DOCK11: variants seen among roughly 807,000 people sequenced by gnomAD.
DOCK11 encodes the protein dedicator of cytokinesis 11, also known as dedicator of cytokinesis protein 11.
DOCK11 carries 70 observed loss-of-function variants against 169.1 expected under a neutral mutation model. That is an observed-to-expected ratio of 0.41 (90% CI 0.34 to 0.51). The LOEUF (loss-of-function observed/expected upper bound fraction) is 0.51. Ranked by LOEUF, DOCK11 falls within the 20% of genes least tolerant of loss-of-function variation. The pLI is 0.10. For synonymous variants in DOCK11, 529 were observed against 541.3 expected (o/e 0.98, Z 0.32); for missense variants, 1,166 against 1,538.8 (o/e 0.76, Z 4.05).
intron 13 of DOCK11, among the ~76,000 whole-genome samples, 161 bp downstream of exon 13, chrX:118,578,808 A>G (rs1026304704): frequency 1.4e-4 from 16 of 112,420 alleles, no homozygotes; most frequent in African/African-American, 5.2e-4. Context: ...TCCTATTGTC[A>G]TTGATGTTCT....
chrX:118,616,283 G>A (rs779343414), intron 30 of DOCK11: 411 of 862,854 alleles, frequency 4.8e-4, no homozygotes, highest in Non-Finnish European at 5.5e-4. Flanking sequence ...TGCTGTTTTA[G>A]AAAACAATTG....
At chrX:118,681,283 T>C in intron 50 of DOCK11, 35 bp downstream of exon 50, 2 of 1,100,312 alleles carry the variant, frequency 1.8e-6, no homozygotes, top group Non-Finnish European at 2.4e-6. Context: ...TGAATGTTTC[T>C]TGATGTTTCT....
At position 118,495,920 on chromosome X, in the gene DOCK11, ACCCGCCCGCCGAGGTCCG is replaced by A. The variant is rs1329274889; in HGVS notation, c.-38_-21del. 208 of 882,772 alleles carry A rather than the reference ACCCGCCCGCCGAGGTCCG, an allele frequency of 2.4e-4. 1 individual carries two copies. In the South Asian group the frequency reaches 3.8e-3, roughly 16 times the overall value. 72.8% of individuals were successfully genotyped at this position (882,772 alleles called of 1,213,427 possible). ...CGCCGCGGGCCGGGGCAGTGAGTCCACCCGCCCGCCGAGGTCCGCCCGCCCGCCGAGACCCGCCCGCCG... is the reference window on the plus strand; with the variant it reads ...CGCCGCGGGCCGGGGCAGTGAGTCCACCCGCCCGCCGAGACCCGCCCGCCG... On this transcript the variant is annotated 5_prime_UTR_variant, in exon 1 of 53. Coordinates refer to ENST00000276202, the MANE Select transcript of DOCK11 (RefSeq NM_144658.4).
chrX:118,505,443 G>A (rs2057605026), intron 1 of DOCK11, among the ~76,000 whole-genome samples: 1 of 112,207 alleles, frequency 8.9e-6, no homozygotes, highest in Non-Finnish European at 1.9e-5. Flanking sequence ...CTTTATGGTG[G>A]GCAAGAGACG....
At chrX:118,552,123 C>T (rs956627330) in intron 6 of DOCK11, among the ~76,000 whole-genome samples, 1 of 108,949 alleles carries the variant, frequency 9.2e-6, no homozygotes, top group African/African-American at 3.4e-5. Flanking sequence ...AAAAATAAAA[C>T]GAAGGAAAGA....
chrX:118,629,014 G>A (rs947472610), intron 34 of DOCK11, among the ~76,000 whole-genome samples: 1 of 111,421 alleles, frequency 9.0e-6, no homozygotes, highest in South Asian at 3.7e-4. Context: ...GGTGCTCTTA[G>A]TGTACATCAG....
At chrX:118,612,183 A>G (rs1251483965) in intron 28 of DOCK11, among the ~76,000 whole-genome samples, 2 of 112,089 alleles carry the variant, frequency 1.8e-5, no homozygotes, top group African/African-American at 6.5e-5. Context: ...AATTCATCCA[A>G]GGAGTTTTAG....
At chrX:118,671,845 A>G (rs1197768702) in intron 46 of DOCK11, among the ~76,000 whole-genome samples, 3 of 111,803 alleles carry the variant, frequency 2.7e-5, no homozygotes, top group Non-Finnish European at 5.6e-5. Flanking sequence ...ACGCCCCGCT[A>G]TCTTTGTATT....
chrX:118,639,105 T>C (rs979525279), intron 37 of DOCK11, among the ~76,000 whole-genome samples: 1 of 111,975 alleles, frequency 8.9e-6, no homozygotes, highest in African/African-American at 3.2e-5. Flanking sequence ...ATTTCAACTC[T>C]TAGTGAACCT....
intron 1 of DOCK11, among the ~76,000 whole-genome samples, chrX:118,534,607 A>G (rs182831813): frequency 8.9e-6 from 1 of 112,506 alleles, no homozygotes; most frequent in African/African-American, 3.2e-5. Context: ...GATTCTTAGA[A>G]CATTAAGTTG....
rs190287784 is a variant in DOCK11 at position 118,684,218 on chromosome X, G to A, written c.6102+1001G>A. On this transcript the variant is annotated intron_variant, in intron 52 of 52. Coordinates refer to ENST00000276202, the MANE Select transcript of DOCK11 (RefSeq NM_144658.4). Reference sequence around the variant, plus strand: ...TCAGTGTAATCTGTTACAGAATACCGAAGTATATAGTCCTTTCAAAAACTT... The same window carrying A: ...TCAGTGTAATCTGTTACAGAATACCAAAGTATATAGTCCTTTCAAAAACTT... Among the ~76,000 whole-genome samples, 240 of 108,722 alleles carry A rather than the reference G, an allele frequency of 2.2e-3. 1 individual carries two copies. Among genetic ancestry groups the A allele is most frequent in the African/African-American group, 7.2e-3 (214 of 29,914 alleles). 94.4% of individuals were successfully genotyped at this position (108,722 alleles called of 115,157 possible).
In DOCK11 at chrX:118,639,576, C is replaced by G. The variant is rs777338186; in HGVS notation, c.4143C>G (p.His1381Gln). Residue 1381 changes from histidine (H) to glutamine (Q), a missense_variant and splice_region_variant, in exon 38 of 53, where the codon CAC becomes CAG. Coordinates refer to ENST00000276202, the MANE Select transcript of DOCK11 (RefSeq NM_144658.4). ...SSLESSFTLN[H>Q]SSTTTEADIF... is the part of the protein sequence containing the mutation. ...TAGAAAGTTCATTTACACTTAATCA[C>G]AGTAAGTGAAAATGTGTGTGTGGTA... The G allele has an allele frequency of 8.3e-7, 1 of 1,206,985 alleles. No homozygotes were observed. The highest frequency in any genetic ancestry group is 3.0e-5 in the East Asian group (1 of 33,795).
intron 1 of DOCK11, among the ~76,000 whole-genome samples, chrX:118,526,338 A>G (rs746391773): frequency 8.9e-6 from 1 of 112,405 alleles, no homozygotes; most frequent in African/African-American, 3.2e-5. Flanking sequence ...GAAGGCTGTT[A>G]TCTCTTGTTT....
At chrX:118,516,459 CCT>C (rs2057689932) in intron 1 of DOCK11, among the ~76,000 whole-genome samples, 5 of 102,455 alleles carry the variant, frequency 4.9e-5, no homozygotes, top group Admixed American at 4.3e-4. Context: ...TCTCTCTCCG[CCT>C]CTCTCACACT....
intron 48 of DOCK11, among the ~76,000 whole-genome samples, chrX:118,677,714 A>G (rs764403104): frequency 8.9e-6 from 1 of 112,407 alleles, no homozygotes; most frequent in South Asian, 3.7e-4. Context: ...TAAGACATTT[A>G]AAAATAGATT....
intron 6 of DOCK11, among the ~76,000 whole-genome samples, chrX:118,558,652 C>A (rs1170893538): frequency 2.7e-5 from 3 of 111,798 alleles, no homozygotes; most frequent in African/African-American, 9.8e-5. Flanking sequence ...CAACATATAT[C>A]ATAAAATATT....
rs757271332 is a variant in DOCK11 at position 118,573,918 on chromosome X, G to T, written c.1289G>T (p.Gly430Val). Residue 430 changes from glycine (G) to valine (V), a missense_variant, in exon 12 of 53, where the codon GGC becomes GTC. Physicochemically the swap from Gly to Val is moderately radical, Grantham distance 109 (BLOSUM62 -3). Transcript: ENST00000276202. ...NPPSVREMLW[G>V]SSTQLASDGS... ...CCATCTGTCCGTGAAATGCTGTGGG[G>T]CTCTTCAACCCAACTGGCCAGTGAC... The T allele has an allele frequency of 8.3e-7, 1 of 1,211,651 alleles. No individual in the cohort carries two copies. Among genetic ancestry groups the T allele is most frequent in the Middle Eastern group, 2.3e-4 (1 of 4,356 alleles).
chrX:118,531,222 G>C (rs2011539689), intron 1 of DOCK11, among the ~76,000 whole-genome samples: 1 of 108,198 alleles, frequency 9.2e-6, no homozygotes, highest in Non-Finnish European at 1.9e-5. Context: ...TTGGGAGTCA[G>C]GCAGGAGGGT....
At chrX:118,572,155 A>T (rs962369030) in intron 10 of DOCK11, among the ~76,000 whole-genome samples, 168 bp from the exon 11 acceptor site, 6 of 112,243 alleles carry the variant, frequency 5.3e-5, no homozygotes, top group African/African-American at 1.9e-4. Flanking sequence ...ATCACTGTTT[A>T]ACCTTAGTGT....
Sources: allele counts gnomAD v4.1 joint callset (sites outside exome capture counted in the v4.1 genomes callset), GRCh38; gene constraint gnomAD v4.1.1; transcripts MANE v1.5; gene names NCBI Gene and HGNC (gene_info 2026-07-23, HGNC 2026-07-21).